TECPR2: variants seen among roughly 807,000 people sequenced by gnomAD.
TECPR2 encodes tectonin beta-propeller repeat-containing protein 2.
In TECPR2, 65 loss-of-function variants were observed where a neutral mutation model predicts 138.1. That is an observed-to-expected ratio of 0.47 (90% CI 0.39 to 0.58). The LOEUF (loss-of-function observed/expected upper bound fraction) is 0.58, where lower values mean the gene tolerates loss of function less well. Among genes scored for constraint, TECPR2 ranks in the 20% least tolerant of loss-of-function variants. The pLI, the probability that TECPR2 is intolerant of heterozygous loss-of-function variation, is 0.00. For synonymous variants in TECPR2, 746 were observed against 749.8 expected, an observed-to-expected ratio of 0.99 and a Z score of 0.08; for missense variants, 1,553 against 1,824.5, an observed-to-expected ratio of 0.85 and a Z score of 2.71.
At position 102,438,092 on chromosome 14, in the gene TECPR2, A is replaced by G. The variant is rs753599970; in HGVS notation, c.2465A>G (p.Tyr822Cys). Reference sequence around the variant, plus strand: ...CTCAGCTTGGTGGTCTCCGAGAAGTATATCTGGTGCCTGGACTACAAAGGC... The same window carrying G: ...CTCAGCTTGGTGGTCTCCGAGAAGTGTATCTGGTGCCTGGACTACAAAGGC... ...GILSLVVSEK[Y>C]IWCLDYKGGL... Residue 822 changes from tyrosine to cysteine, a missense_variant, in exon 10 of 20, where the codon TAT (tyrosine) becomes TGT (cysteine). Coordinates refer to ENST00000359520, the MANE Select transcript of TECPR2 (RefSeq NM_014844.5). The G allele has an allele frequency of 1.2e-6, 2 of 1,614,028 alleles. No homozygotes were observed. The highest frequency in any genetic ancestry group is 2.2e-5 in the South Asian group (2 of 91,074).
At chr14:102,410,457 TA>T (rs1888801016) in intron 4 of TECPR2, among the ~76,000 whole-genome samples, 1 of 125,710 alleles carries the variant, frequency 8.0e-6, no homozygotes, top group African/African-American at 3.0e-5. Flanking sequence ...GAATTATCAA[TA>T]AAAAAATAAA....
At chr14:102,384,453 C>T (rs1209921750) in intron 2 of TECPR2, among the ~76,000 whole-genome samples, 4 of 151,060 alleles carry the variant, frequency 2.6e-5, no homozygotes, top group Non-Finnish European at 5.9e-5. Context: ...CCAAGACAGG[C>T]GGATCACGAG....
At chr14:102,421,284 G>A (rs11160679) in intron 5 of TECPR2, among the ~76,000 whole-genome samples, 47,104 of 152,054 alleles carry the variant, frequency 0.31, 7,520 homozygotes, top group Middle Eastern at 0.38. Context: ...GACATCTCCA[G>A]AACAAACCCA....
At chr14:102,425,632 G>A (rs1889297638) in intron 6 of TECPR2, among the ~76,000 whole-genome samples, 1 of 152,142 alleles carries the variant, frequency 6.6e-6, no homozygotes, top group South Asian at 2.1e-4. Flanking sequence ...CTGGAGTGCA[G>A]TGGCATGATC....
At chr14:102,479,398 G>A (rs542026544) in intron 17 of TECPR2, among the ~76,000 whole-genome samples, 2 of 152,270 alleles carry the variant, frequency 1.3e-5, no homozygotes, top group South Asian at 4.2e-4. Context: ...GATGCACAAA[G>A]GATGTTGTGG....
At chr14:102,436,298 CT>C (rs910999339) in intron 9 of TECPR2, among the ~76,000 whole-genome samples, 1 of 150,078 alleles carries the variant, frequency 6.7e-6, no homozygotes, top group Non-Finnish European at 1.5e-5. Flanking sequence ...ATAAGTCTGG[CT>C]TTTTTTTCTT....
At chr14:102,366,019 A>T (rs1236787889) in intron 1 of TECPR2, among the ~76,000 whole-genome samples, 3 of 152,256 alleles carry the variant, frequency 2.0e-5, no homozygotes, top group African/African-American at 7.2e-5. Context: ...CAATAGGGAT[A>T]CAAATTGTTG....
chr14:102,461,229 C>A (rs1236726578), intron 16 of TECPR2, among the ~76,000 whole-genome samples: 3 of 152,076 alleles, frequency 2.0e-5, no homozygotes, highest in Non-Finnish European at 4.4e-5. Context: ...CATTTCATTT[C>A]CCAGTACACA....
rs5811067 is a variant in TECPR2 at position 102,396,104 on chromosome 14, C to CT, written c.220-11218dup. Among the ~76,000 whole-genome samples, 780 of 136,340 alleles carry CT rather than the reference C, an allele frequency of 5.7e-3. 13 individuals carry two copies. Among genetic ancestry groups the CT allele is most frequent in the East Asian group, 0.048 (221 of 4,598 alleles). 89.4% of individuals were successfully genotyped at this position (136,340 alleles called of 152,430 possible). ...TTTCTTGTTGAAGTTCTTTAGTACT[C>CT]TTTTTTTTTTTTTTTTGAGATGGAG... is the stretch of plus-strand genomic sequence containing the variant. On this transcript the variant is annotated intron_variant, in intron 2 of 19. Coordinates refer to ENST00000359520, the MANE Select transcript of TECPR2 (RefSeq NM_014844.5).
At chr14:102,376,341 T>C (rs1237757865) in intron 1 of TECPR2, among the ~76,000 whole-genome samples, 1 of 152,198 alleles carries the variant, frequency 6.6e-6, no homozygotes, top group East Asian at 1.9e-4. Flanking sequence ...TTGTGTCTTT[T>C]CACTATTTCA....
At chr14:102,485,406 A>G (rs760574135) in intron 17 of TECPR2, among the ~76,000 whole-genome samples, 2 of 151,880 alleles carry the variant, frequency 1.3e-5, no homozygotes, top group Non-Finnish European at 2.9e-5. Flanking sequence ...TTTTTTTCCT[A>G]TACCTCCATT....
intron 17 of TECPR2, among the ~76,000 whole-genome samples, chr14:102,478,136 TC>T (rs2139783262): frequency 6.6e-6 from 1 of 151,298 alleles, no homozygotes; most frequent in Non-Finnish European, 1.5e-5. Flanking sequence ...AACCTCAAAC[TC>T]CTGGGTCAAG....
chr14:102,487,883 C>T (rs1402520103), intron 17 of TECPR2, among the ~76,000 whole-genome samples: 2 of 146,464 alleles, frequency 1.4e-5, no homozygotes, highest in South Asian at 2.2e-4. Flanking sequence ...CTCTTGTTGC[C>T]GAGGCTGGAG....
At position 102,497,202 on chromosome 14, in the gene TECPR2, C is replaced by T. The variant is rs545362359; in HGVS notation, c.3931+82C>T. ...GGGCTGCTGGGCGCTCCCTCCAGGC[C>T]GCTGTCTGTGAGGCAGCCTTTGTGC... On this transcript the variant is annotated intron_variant, in intron 18 of 19. Transcript: ENST00000359520. The T allele has an allele frequency of 3.3e-5, 50 of 1,525,254 alleles. No individual in the cohort carries two copies. The Admixed American group carries it at 4.4e-4, about 14-fold the overall frequency. The allele number at this position is 1,525,254 out of a possible 1,614,324, so 94.5% of individuals were successfully genotyped here.
chr14:102,393,582 G>A (rs1006168786), intron 2 of TECPR2, among the ~76,000 whole-genome samples: 4 of 151,980 alleles, frequency 2.6e-5, no homozygotes, highest in East Asian at 3.9e-4. Context: ...TTTTTGAGAC[G>A]GAGTCTCACT....
At chr14:102,438,256 T>TGCTCCCCGCCCCC (rs1751576787) in intron 10 of TECPR2, 51 bp downstream of exon 10, 4 of 1,558,466 alleles carry the variant, frequency 2.6e-6, no homozygotes, top group Non-Finnish European at 3.4e-6. Flanking sequence ...TCGCCGCTCC[T>TGCTCCCCGCCCCC]GCTCCCCGCC....
chr14:102,408,491 C>T lies in TECPR2; in HGVS notation c.352C>T (p.Arg118Trp), dbSNP rs1216746875. 3.1e-6 allele frequency: 5 copies of T among 1,597,914 alleles called. No homozygotes were observed. Among genetic ancestry groups the T allele is most frequent in the Non-Finnish European group, 2.6e-6 (3 of 1,175,596 alleles). ...SSLPGRNKQL[R>W]RFDVTGIHKN... ...TATTTTTATCCCTTGTTCATAGCTTCGGAGATTTGATGTCACTGGTATTCA... is the reference window on the plus strand; with the variant it reads ...TATTTTTATCCCTTGTTCATAGCTTTGGAGATTTGATGTCACTGGTATTCA... Residue 118 changes from arginine to tryptophan, a missense_variant, in exon 4 of 20, where the codon CGG (arginine) becomes TGG (tryptophan). Arg to Trp is a moderately radical substitution (Grantham distance 101). Coordinates refer to ENST00000359520, the MANE Select transcript of TECPR2 (RefSeq NM_014844.5).
chr14:102,363,563 C>T (rs1887251929), intron 1 of TECPR2, among the ~76,000 whole-genome samples: 1 of 152,284 alleles, frequency 6.6e-6, no homozygotes, highest in South Asian at 2.1e-4. Flanking sequence ...GACACTCATC[C>T]AGTTGGTGTT....
intron 2 of TECPR2, among the ~76,000 whole-genome samples, chr14:102,391,470 A>G (rs1888174326): frequency 6.6e-6 from 1 of 152,170 alleles, no homozygotes; most frequent in South Asian, 2.1e-4. Context: ...TGGGGTATGT[A>G]GTCAGGCAGA....
Sources: gnomAD v4.1 joint callset for allele counts (sites outside exome capture counted in the v4.1 genomes callset) on GRCh38, gnomAD v4.1.1 for gene constraint, MANE v1.5 for transcripts, NCBI Gene and HGNC (gene_info 2026-07-23, HGNC 2026-07-21) for gene names.